SCN10A: variants seen among roughly 807,000 people sequenced by gnomAD.
The protein encoded by SCN10A is sodium channel protein type 10 subunit alpha.
A neutral mutation model predicts 170.7 loss-of-function variants in SCN10A; 162 were observed. The observed-to-expected ratio is 0.95, with a 90% CI of 0.84 to 1.08. The LOEUF is 1.08. Among genes scored for constraint, SCN10A ranks in the 50% least tolerant of loss-of-function variants. The pLI, the probability that SCN10A is intolerant of heterozygous loss-of-function variation, is 0.00. For missense variants in SCN10A, 2,527 were observed against 2,436.9 expected (o/e 1.04, Z -0.78); for synonymous variants, 985 against 904.6 (o/e 1.09, Z -1.59).
chr3:38,708,911 A>G (rs1475373794), intron 25 of SCN10A, among the ~76,000 whole-genome samples: 2 of 152,202 alleles, frequency 1.3e-5, no homozygotes, highest in African/African-American at 4.8e-5. Flanking sequence ...CCTCAGGGGT[A>G]TGGAAGGCAT....
chr3:38,747,296 C>T (rs748927605), intron 13 of SCN10A, among the ~76,000 whole-genome samples: 15 of 152,118 alleles, frequency 9.9e-5, no homozygotes, highest in Non-Finnish European at 1.8e-4. Flanking sequence ...GCATCACTCC[C>T]GCCGCCAACC....
intron 15 of SCN10A, among the ~76,000 whole-genome samples, chr3:38,730,390 T>C (rs1046952532): frequency 1.3e-5 from 2 of 152,210 alleles, no homozygotes; most frequent in African/African-American, 2.4e-5. Context: ...CAGAATTAAA[T>C]GCAAATACCT....
At position 38,725,101 on chromosome 3, in the gene SCN10A, C is replaced by A. The variant is rs780828772; in HGVS notation, c.3228+73G>T. 42 of 1,422,374 alleles carry A rather than the reference C, an allele frequency of 3.0e-5. No homozygotes were observed. The East Asian group carries it at 1.0e-3, about 34-fold the overall frequency. 88.1% of individuals were successfully genotyped at this position (1,422,374 alleles called of 1,614,324 possible). A position where few individuals can be genotyped will look rare whatever the true frequency, so the allele number is the denominator to read the frequency against. On this transcript the variant is annotated intron_variant, in intron 18 of 27. Coordinates refer to ENST00000449082, the MANE Select transcript of SCN10A (RefSeq NM_006514.4). The stretch of plus-strand genomic sequence containing the variant: ...GGAATACCCCACCTTCACCGCCACC[C>A]TCCAGCCTCTACCAGCCCACTGCTC...
intron 5 of SCN10A, among the ~76,000 whole-genome samples, chr3:38,769,031 G>C (rs1025648662): frequency 1.3e-5 from 2 of 151,946 alleles, no homozygotes; most frequent in African/African-American, 2.4e-5. Flanking sequence ...TCTTCTACTT[G>C]TTCTAGTCTA....
intron 1 of SCN10A, among the ~76,000 whole-genome samples, chr3:38,812,854 C>T (rs972909695): frequency 1.3e-5 from 2 of 151,978 alleles, no homozygotes; most frequent in Admixed American, 6.6e-5. Flanking sequence ...GGCAACATGG[C>T]GAGACCCTGT....
rs747254617 is a variant in SCN10A at position 38,712,497 on chromosome 3, G to T, written c.3805-52C>A. 1.1e-5 allele frequency: 18 copies of T among 1,570,556 alleles called. No individual in the cohort carries two copies. In the Middle Eastern group the frequency reaches 5.3e-4, roughly 46 times the overall value. On this transcript the variant is annotated intron_variant, in intron 22 of 27. Transcript: ENST00000449082. Reference sequence around the variant, plus strand: ...AACCTCCCAATGCCCCACCCCCTCTGCTGGATTCTATCTCTTTCTATACTC... The same window carrying T: ...AACCTCCCAATGCCCCACCCCCTCTTCTGGATTCTATCTCTTTCTATACTC...
chr3:38,765,628 A>G (rs1469301742), intron 5 of SCN10A, among the ~76,000 whole-genome samples: 1 of 152,154 alleles, frequency 6.6e-6, no homozygotes, highest in Non-Finnish European at 1.5e-5. Context: ...ATAGCCTTGT[A>G]GTATAGTTTG....
intron 19 of SCN10A, among the ~76,000 whole-genome samples, chr3:38,722,691 C>T (rs1367607412): frequency 6.6e-6 from 1 of 152,122 alleles, no homozygotes; most frequent in Non-Finnish European, 1.5e-5. Flanking sequence ...CTTCTGCCCA[C>T]CTATACCTGG....
chr3:38,711,308 T>G (rs777430556), intron 23 of SCN10A, among the ~76,000 whole-genome samples: 11 of 152,188 alleles, frequency 7.2e-5, no homozygotes, highest in Non-Finnish European at 1.5e-4. Context: ...GATGGAGAAG[T>G]TGAGAATAGA....
intron 4 of SCN10A, among the ~76,000 whole-genome samples, chr3:38,776,340 A>G (rs1487692565): frequency 2.0e-5 from 3 of 151,988 alleles, no homozygotes; most frequent in Non-Finnish European, 4.4e-5. Context: ...TTATATTTCT[A>G]TTTTTATCAT....
chr3:38,783,687 T>C (rs2064165252), intron 4 of SCN10A, among the ~76,000 whole-genome samples: 1 of 152,114 alleles, frequency 6.6e-6, no homozygotes, highest in East Asian at 1.9e-4. Context: ...TAATCTGGTG[T>C]CCACAAGTAC....
intron 7 of SCN10A, 118 bp from the exon 8 acceptor site, chr3:38,760,865 C>A: frequency 2.5e-6 from 2 of 787,110 alleles, no homozygotes; most frequent in South Asian, 1.6e-5. Flanking sequence ...GCTACATGTA[C>A]TCAGTGGGCA....
At chr3:38,759,979 T>C (rs540357371) in intron 8 of SCN10A, among the ~76,000 whole-genome samples, 1 of 152,358 alleles carries the variant, frequency 6.6e-6, no homozygotes, top group Non-Finnish European at 1.5e-5. Flanking sequence ...TTAGCTGTGA[T>C]GATTAAGTGT....
Position 38,728,892 on chromosome 3 carries a change from A to G in SCN10A, c.2290T>C (p.Phe764Leu). The G allele has an allele frequency of 6.2e-7, 1 of 1,607,974 alleles. No homozygotes were observed. Among genetic ancestry groups the G allele is most frequent in the South Asian group, 1.1e-5 (1 of 90,820 alleles). Reference sequence around the variant, plus strand: ...GTGGGCCAGGATTTGGCCAGCTTGAATACGCGCAGCTGCAGAGAAACAGAG... The same window carrying G: ...GTGGGCCAGGATTTGGCCAGCTTGAGTACGCGCAGCTGCAGAGAAACAGAG... The part of the protein sequence containing the change: ...VLRSFRLLRV[F>L]KLAKSWPTLN... Residue 764 changes from phenylalanine to leucine, a missense_variant, in exon 16 of 28, where the codon TTC becomes CTC. Physicochemically the swap from Phe to Leu is conservative, Grantham distance 22 (BLOSUM62 0). Coordinates refer to ENST00000449082, the MANE Select transcript of SCN10A (RefSeq NM_006514.4).
rs560631745 is a variant in SCN10A at position 38,722,320 on chromosome 3, C to T, written c.3445G>A (p.Val1149Met). ...AAGCTCTCAAACCAGCTGTGCTCCA[C>T]GATACGGTAGCAAGTCTTGCGCACC... ...WQVRKTCYRI[V>M]EHSWFESFII... Residue 1149 changes from valine to methionine, a missense_variant, in exon 20 of 28, where the codon GTG becomes ATG. Physicochemically the swap from Val to Met is conservative, Grantham distance 21 (BLOSUM62 1). Transcript: ENST00000449082. The T allele has an allele frequency of 1.0e-4, 161 of 1,614,088 alleles. No individual in the cohort carries two copies. The highest frequency in any genetic ancestry group is 3.5e-4 in the Admixed American group (21 of 60,022).
rs1014230407 is a variant in SCN10A, at chr3:38,704,334, T to C, written c.4387-2225A>G. 3.9e-5 allele frequency among the ~76,000 whole-genome samples: 6 copies of C among 152,330 alleles called. No individual in the cohort carries two copies. The East Asian group carries it at 9.7e-4, about 25-fold the overall frequency. On this transcript the variant is annotated intron_variant, in intron 26 of 27. Coordinates refer to ENST00000449082, the MANE Select transcript of SCN10A (RefSeq NM_006514.4). ...TGCTGAGCCACTAATCCCTTCCATT[T>C]CATCACTGAAAATGGTGAAAAAATA...
intron 7 of SCN10A, 51 bp downstream of exon 7, chr3:38,761,141 A>T: frequency 2.1e-6 from 3 of 1,398,028 alleles, no homozygotes; most frequent in Non-Finnish European, 2.0e-6. Context: ...TCCCTATATG[A>T]TACCAAGGGT....
At chr3:38,740,684 TG>T (rs755244545) in intron 14 of SCN10A, among the ~76,000 whole-genome samples, 17 of 152,324 alleles carry the variant, frequency 1.1e-4, no homozygotes, top group Middle Eastern at 3.4e-3. Flanking sequence ...TGCTCTCTTT[TG>T]TCATGTGAGG....
intron 5 of SCN10A, among the ~76,000 whole-genome samples, chr3:38,769,170 T>C (rs2063969059): frequency 6.6e-6 from 1 of 152,024 alleles, no homozygotes; most frequent in African/African-American, 2.4e-5. Context: ...GTTTTAAAAA[T>C]TTCTTTAAGT....
Sources: allele counts gnomAD v4.1 joint callset (sites outside exome capture counted in the v4.1 genomes callset), GRCh38; gene constraint gnomAD v4.1.1; transcripts MANE v1.5; gene names NCBI Gene and HGNC (gene_info 2026-07-23, HGNC 2026-07-21).